Variants in GALNTL6 observed in about 807,000 individuals in gnomAD.
GALNTL6 encodes the protein polypeptide N-acetylgalactosaminyltransferase-like 6.
GALNTL6 carries 46 observed loss-of-function variants against 73.7 expected under a neutral mutation model. The ratio of observed to expected loss-of-function variants is 0.62; its 90% CI spans 0.49 to 0.80. The LOEUF is 0.80. Among genes scored for constraint, GALNTL6 ranks in the 30% least tolerant of loss-of-function variants. The pLI, the probability that GALNTL6 is intolerant of heterozygous loss-of-function variation, is 0.00. For synonymous variants in GALNTL6, 259 were observed against 263.7 expected (o/e 0.98, Z 0.17); for missense variants, 604 against 755.0 (o/e 0.80, Z 2.34).
chr4:172,522,777 GTTTTCT>G (rs1177369928), intron 5 of GALNTL6, among the ~76,000 whole-genome samples: 1 of 150,762 alleles, frequency 6.6e-6, no homozygotes, highest in African/African-American at 2.4e-5. Context: ...TTTAAAAGGT[GTTTTCT>G]TAATTCATTG....
intron 9 of GALNTL6, among the ~76,000 whole-genome samples, chr4:172,951,429 T>C (rs1168045886): frequency 1.3e-5 from 2 of 152,244 alleles, no homozygotes; most frequent in Admixed American, 1.3e-4. Context: ...CAGGGACACA[T>C]CTGTGGAAAA....
intron 2 of GALNTL6, among the ~76,000 whole-genome samples, chr4:171,874,369 T>C (rs1736218595): frequency 6.6e-6 from 1 of 152,108 alleles, no homozygotes; most frequent in South Asian, 2.1e-4. Context: ...TTTGTATTTT[T>C]AGTCGAGACA....
chr4:172,616,094 C>A (rs1393006367), intron 5 of GALNTL6, among the ~76,000 whole-genome samples: 1 of 152,168 alleles, frequency 6.6e-6, no homozygotes, highest in East Asian at 1.9e-4. Context: ...CCATCCTCTG[C>A]CTGTAACTGA....
chr4:172,229,741 T>C lies in GALNTL6; in HGVS notation c.224T>C (p.Ile75Thr). ...RRKDWHDYES[I>T]QKEAMRSGKG... Reference sequence around the variant, plus strand: ...AAGGACTGGCATGACTATGAAAGCATTCAGAAAGAGGCTATGCGCTCAGGT... The same window carrying C: ...AAGGACTGGCATGACTATGAAAGCACTCAGAAAGAGGCTATGCGCTCAGGT... The change falls in exon 3 of 13, where the codon ATT becomes ACT. Residue 75 changes from isoleucine (I) to threonine (T), a missense_variant. Physicochemically the swap from Ile to Thr is moderately conservative, Grantham distance 89 (BLOSUM62 -1). Transcript: ENST00000506823. 2 of 1,612,836 alleles carry C rather than the reference T, an allele frequency of 1.2e-6. No individual in the cohort carries two copies. The highest frequency in any genetic ancestry group is 1.7e-6 in the Non-Finnish European group (2 of 1,178,890).
chr4:172,842,497 C>T (rs1017487175), intron 7 of GALNTL6, among the ~76,000 whole-genome samples: 30 of 152,134 alleles, frequency 2.0e-4, no homozygotes, highest in African/African-American at 6.5e-4. Context: ...TATGAATGCA[C>T]CACATTTTAT....
At chr4:171,910,735 T>A (rs79366698) in intron 2 of GALNTL6, among the ~76,000 whole-genome samples, 1,956 of 152,248 alleles carry the variant, frequency 0.013, 22 homozygotes, top group Non-Finnish European at 0.02. Flanking sequence ...GTAATATAAC[T>A]CAATTAATTA....
At chr4:172,294,211 G>T (rs1739579604) in intron 3 of GALNTL6, among the ~76,000 whole-genome samples, 1 of 151,662 alleles carries the variant, frequency 6.6e-6, no homozygotes, top group Non-Finnish European at 1.5e-5. Flanking sequence ...TTATTTTGAT[G>T]CATTTAATCT....
chr4:172,698,517 C>T (rs1207995890), intron 5 of GALNTL6, among the ~76,000 whole-genome samples: 1 of 152,142 alleles, frequency 6.6e-6, no homozygotes, highest in Non-Finnish European at 1.5e-5. Flanking sequence ...TCTTCCTTTC[C>T]CTTGACAAAT....
chr4:172,952,331 G>C, intron 10 of GALNTL6, 73 bp downstream of exon 10: 1 of 1,045,744 alleles, frequency 9.6e-7, no homozygotes, highest in Non-Finnish European at 1.4e-6. Flanking sequence ...CAGGTGGTGG[G>C]AGGGACTGCT....
chr4:171,905,632 A>G (rs1737252218), intron 2 of GALNTL6, among the ~76,000 whole-genome samples: 2 of 150,166 alleles, frequency 1.3e-5, no homozygotes, highest in Non-Finnish European at 2.9e-5. Flanking sequence ...TCAGCTCTGC[A>G]CCAAGTGGAC....
chr4:172,878,581 A>G (rs1745302961), intron 7 of GALNTL6, among the ~76,000 whole-genome samples: 1 of 151,918 alleles, frequency 6.6e-6, no homozygotes, highest in South Asian at 2.1e-4. Context: ...AAAGAAAGGT[A>G]TATGCCATAA....
chr4:172,530,924 A>G (rs1228426502), intron 5 of GALNTL6, among the ~76,000 whole-genome samples: 1 of 145,538 alleles, frequency 6.9e-6, no homozygotes, highest in Non-Finnish European at 1.5e-5. Flanking sequence ...CTAGACGTCT[A>G]TAATTGTACT....
In GALNTL6 at chr4:171,832,867, C is replaced by T. The variant is rs1370343865; in HGVS notation, c.138+18149C>T. On this transcript the variant is annotated intron_variant, in intron 2 of 12. Coordinates refer to ENST00000506823, the MANE Select transcript of GALNTL6 (RefSeq NM_001034845.3). ...TGCCAACTGTGTATTTCTAGACAAA[C>T]ATAAACATTCAATAAGCTTCCAAGT... is the stretch of plus-strand genomic sequence containing the variant. Among the ~76,000 whole-genome samples the T allele has an allele frequency of 3.3e-5, 5 of 151,900 alleles. No homozygotes were observed. In the East Asian group the frequency reaches 9.7e-4, roughly 29 times the overall value.
intron 2 of GALNTL6, among the ~76,000 whole-genome samples, chr4:172,144,001 A>G (rs1475425540): frequency 1.3e-5 from 2 of 152,158 alleles, no homozygotes; most frequent in East Asian, 3.9e-4. Flanking sequence ...AATAACCAGA[A>G]CAACTCTGAC....
chr4:172,345,027 A>C (rs536249431), intron 4 of GALNTL6, among the ~76,000 whole-genome samples: 100 of 152,144 alleles, frequency 6.6e-4, no homozygotes, highest in African/African-American at 2.3e-3. Context: ...ATTAGATATG[A>C]TGCTATATGA....
At chr4:172,940,953 G>A (rs911403175) in intron 9 of GALNTL6, among the ~76,000 whole-genome samples, 2 of 152,100 alleles carry the variant, frequency 1.3e-5, no homozygotes, top group Non-Finnish European at 2.9e-5. Context: ...TGGGATTATA[G>A]GCATAAGCCA....
At chr4:172,594,120 G>A (rs535174294) in intron 5 of GALNTL6, among the ~76,000 whole-genome samples, 47 of 152,252 alleles carry the variant, frequency 3.1e-4, no homozygotes, top group African/African-American at 1.0e-3. Context: ...GCCGAGGCGG[G>A]TGGATCACGA....
In GALNTL6 at chr4:172,068,740, T is replaced by G. The variant is rs894637926; in HGVS notation, c.139-160916T>G. ...AATTCCATTTCAGCAATGGCTTTGT[T>G]AGTCTTCCTCACTCTTGTATGCACA... On this transcript the variant is annotated intron_variant, in intron 2 of 12. Transcript: ENST00000506823. 2.7e-5 allele frequency among the ~76,000 whole-genome samples: 3 copies of G among 111,442 alleles called. 1 individual carries two copies. The highest frequency in any genetic ancestry group is 6.7e-5 in the African/African-American group (2 of 29,672). 73.1% of individuals were successfully genotyped at this position (111,442 alleles called of 152,430 possible). A position where few individuals can be genotyped will look rare whatever the true frequency, so the allele number is the denominator to read the frequency against.
intron 2 of GALNTL6, among the ~76,000 whole-genome samples, chr4:171,827,121 T>C (rs1424725677): frequency 6.6e-6 from 1 of 152,270 alleles, no homozygotes; most frequent in South Asian, 2.1e-4. Flanking sequence ...TTACACTTTA[T>C]ATAGGCAGAG....
Sources: allele counts gnomAD v4.1 joint callset (sites outside exome capture counted in the v4.1 genomes callset), GRCh38; gene constraint gnomAD v4.1.1; transcripts MANE v1.5; gene names NCBI Gene and HGNC (gene_info 2026-07-23, HGNC 2026-07-21).